Variants in CNTN5 observed in about 807,000 individuals in gnomAD.
The protein encoded by CNTN5 is contactin 5, also known as contactin-5.
CNTN5 carries 77 observed loss-of-function variants against 129.1 expected under a neutral mutation model. The ratio of observed to expected loss-of-function variants is 0.60; its 90% confidence interval spans 0.50 to 0.72. The LOEUF is 0.72. Among genes scored for constraint, CNTN5 ranks in the 30% least tolerant of loss-of-function variants. The probability of loss-of-function intolerance (pLI) is 0.00; values close to 1 mark genes in which losing one functional copy is unlikely to be tolerated. For missense variants in CNTN5, 1,478 were observed against 1,328.8 expected, an observed-to-expected ratio of 1.11 and a Z score of -1.75; for synonymous variants, 509 against 465.6, an observed-to-expected ratio of 1.09 and a Z score of -1.20.
intron 1 of CNTN5, among the ~76,000 whole-genome samples, chr11:99,086,439 A>C (rs966476122): frequency 6.6e-6 from 1 of 152,194 alleles, no homozygotes; most frequent in African/African-American, 2.4e-5. Flanking sequence ...GGTCTCAGGA[A>C]GCTTTTACTC....
At chr11:100,042,119 CT>C (rs1565819122) in intron 9 of CNTN5, among the ~76,000 whole-genome samples, 2 of 152,164 alleles carry the variant, frequency 1.3e-5, no homozygotes, top group Admixed American at 6.5e-5. Flanking sequence ...CTCACTGCCC[CT>C]GAAGGTTTCC....
In CNTN5 at chr11:99,332,280, TC is replaced by T. The variant is rs1866031747; in HGVS notation, c.-71+6798del. Among the ~76,000 whole-genome samples, 7 of 141,638 alleles carry T rather than the reference TC, an allele frequency of 4.9e-5. No individual in the cohort carries two copies. The South Asian group carries it at 1.7e-3, about 34-fold the overall frequency. The allele number at this position is 141,638 out of a possible 152,430, so 92.9% of individuals were successfully genotyped here. ...TTTTCATGTTAAAATTAAGATCAAA[TC>T]CTACTATTTCCACAATGTCTCAGTC... On this transcript the variant is annotated intron_variant, in intron 2 of 24. Transcript: ENST00000524871.
intron 13 of CNTN5, among the ~76,000 whole-genome samples, chr11:100,108,562 C>A (rs779947071): frequency 1.1e-4 from 17 of 152,098 alleles, no homozygotes; most frequent in Admixed American, 2.0e-4. Context: ...CTGTCAAGAT[C>A]CTCTGAGGGA....
intron 8 of CNTN5, among the ~76,000 whole-genome samples, chr11:99,963,357 A>T (rs1377944623): frequency 6.6e-6 from 1 of 152,178 alleles, no homozygotes; most frequent in Admixed American, 6.5e-5. Context: ...GAGGGGATCC[A>T]GTTTCAGCTT....
intron 2 of CNTN5, among the ~76,000 whole-genome samples, chr11:99,398,819 G>A (rs1006878432): frequency 2.6e-5 from 4 of 151,738 alleles, no homozygotes; most frequent in Non-Finnish European, 5.9e-5. Context: ...AAACAGCTGT[G>A]GGCAGCTATG....
chr11:99,596,609 T>G (rs946136251), intron 3 of CNTN5, among the ~76,000 whole-genome samples: 12 of 152,272 alleles, frequency 7.9e-5, no homozygotes, highest in African/African-American at 2.9e-4. Context: ...GAAGTAAAAT[T>G]AACATAGACT....
At chr11:99,335,887 C>T (rs1469677507) in intron 2 of CNTN5, among the ~76,000 whole-genome samples, 1 of 152,028 alleles carries the variant, frequency 6.6e-6, no homozygotes, top group Non-Finnish European at 1.5e-5. Flanking sequence ...GTCCTCTATG[C>T]CTGCAGGTGG....
chr11:99,916,169 T>C lies in CNTN5; in HGVS notation c.673+20T>C, dbSNP rs368376655. ...CACCAGGTACAGTAGGATCTCATTC[T>C]TTGCTGCTGCTGCTGCTCTCTTTTG... On this transcript the variant is annotated intron_variant, in intron 7 of 24. Coordinates refer to ENST00000524871, the MANE Select transcript of CNTN5 (RefSeq NM_014361.4). 22 of 1,581,816 alleles carry C rather than the reference T, an allele frequency of 1.4e-5. No homozygotes were observed. In the African/African-American group the frequency reaches 2.3e-4, roughly 16 times the overall value.
intron 1 of CNTN5, among the ~76,000 whole-genome samples, chr11:99,056,079 G>A (rs921531884): frequency 6.6e-6 from 1 of 151,880 alleles, no homozygotes; most frequent in Admixed American, 6.6e-5. Context: ...ATGGGCGGCT[G>A]TTTCATTGAT....
At chr11:100,317,628 C>A (rs772092368) in intron 21 of CNTN5, among the ~76,000 whole-genome samples, 7 of 152,114 alleles carry the variant, frequency 4.6e-5, no homozygotes, top group Non-Finnish European at 8.8e-5. Flanking sequence ...CTAAAAATTA[C>A]GTTTTCTGAA....
intron 23 of CNTN5, among the ~76,000 whole-genome samples, chr11:100,349,519 T>C (rs1245090523): frequency 6.6e-6 from 1 of 151,870 alleles, no homozygotes; most frequent in Non-Finnish European, 1.5e-5. Context: ...TTATCATCTC[T>C]ATCATACAGT....
intron 1 of CNTN5, among the ~76,000 whole-genome samples, chr11:99,089,121 G>A (rs977896374): frequency 3.3e-5 from 5 of 152,012 alleles, no homozygotes; most frequent in African/African-American, 1.2e-4. Context: ...AAATTCATGA[G>A]AGAACATTGA....
At chr11:99,060,618 A>G (rs910214849) in intron 1 of CNTN5, among the ~76,000 whole-genome samples, 1 of 151,856 alleles carries the variant, frequency 6.6e-6, no homozygotes, top group Non-Finnish European at 1.5e-5. Context: ...TTTTTTCATT[A>G]TAGAGAAGCT....
At chr11:100,112,624 T>C (rs1945693384) in intron 13 of CNTN5, among the ~76,000 whole-genome samples, 2 of 152,130 alleles carry the variant, frequency 1.3e-5, no homozygotes, top group South Asian at 2.1e-4. Flanking sequence ...TAGGCAGCCA[T>C]GTTTCACTCC....
intron 1 of CNTN5, among the ~76,000 whole-genome samples, chr11:99,154,099 C>A (rs1860213640): frequency 6.6e-6 from 1 of 152,126 alleles, no homozygotes; most frequent in African/African-American, 2.4e-5. Context: ...CACCAGGGTG[C>A]TGGCAGGATG....
intron 18 of CNTN5, among the ~76,000 whole-genome samples, chr11:100,275,321 C>G (rs758482259): frequency 9.9e-5 from 15 of 152,166 alleles, no homozygotes; most frequent in Non-Finnish European, 1.8e-4. Flanking sequence ...AAGAGCATAA[C>G]AGGTTAGTTG....
chr11:99,251,766 T>C (rs567754857), intron 1 of CNTN5, among the ~76,000 whole-genome samples: 2 of 152,136 alleles, frequency 1.3e-5, no homozygotes, highest in South Asian at 4.1e-4. Context: ...TTTTTTCATG[T>C]ATGGTAGTAA....
chr11:99,426,721 C>G (rs1197978004), intron 2 of CNTN5, among the ~76,000 whole-genome samples: 3 of 152,074 alleles, frequency 2.0e-5, no homozygotes, highest in Non-Finnish European at 4.4e-5. Context: ...CATGTTAGTC[C>G]TTGGGCCTGG....
intron 3 of CNTN5, among the ~76,000 whole-genome samples, chr11:99,621,278 A>G (rs1042744121): frequency 6.6e-6 from 1 of 152,324 alleles, no homozygotes; most frequent in South Asian, 2.1e-4. Context: ...AATCAGAGGT[A>G]ATGATGTGGA....
Sources: allele counts gnomAD v4.1 joint callset (sites outside exome capture counted in the v4.1 genomes callset), GRCh38; gene constraint gnomAD v4.1.1; transcripts MANE v1.5; gene names NCBI Gene and HGNC (gene_info 2026-07-23, HGNC 2026-07-21).